PLCL1: variants seen among roughly 807,000 people sequenced by gnomAD.
PLCL1 encodes phospholipase C like 1 (inactive).
Under a neutral mutation model 84.4 loss-of-function variants are expected in PLCL1, and 41 were observed. That is an observed-to-expected ratio of 0.49 (90% CI 0.38 to 0.63). The LOEUF is 0.63. PLCL1 is among the 30% of genes least tolerant of loss of function. The pLI is 0.00. For synonymous variants in PLCL1, 490 were observed against 488.3 expected, an observed-to-expected ratio of 1.00 and a Z score of -0.05; for missense variants, 1,206 against 1,367.8, an observed-to-expected ratio of 0.88 and a Z score of 1.87.
At chr2:197,901,030 G>C (rs889936823) in intron 1 of PLCL1, among the ~76,000 whole-genome samples, 1 of 152,104 alleles carries the variant, frequency 6.6e-6, no homozygotes, top group African/African-American at 2.4e-5. Context: ...AAATGGATTA[G>C]GTACATACAC....
At chr2:198,011,241 A>G (rs569857867) in intron 1 of PLCL1, among the ~76,000 whole-genome samples, 5 of 151,740 alleles carry the variant, frequency 3.3e-5, no homozygotes, top group Non-Finnish European at 7.4e-5. Context: ...TTTAATGTAG[A>G]TGTTTACTGC....
At chr2:198,091,770 G>C (rs1693048765) in intron 3 of PLCL1, among the ~76,000 whole-genome samples, 1 of 144,928 alleles carries the variant, frequency 6.9e-6, no homozygotes, top group Admixed American at 6.9e-5. Flanking sequence ...TAAAAACATA[G>C]ATCAAATCAA....
chr2:197,877,170 C>G (rs114329169), intron 1 of PLCL1, among the ~76,000 whole-genome samples: 1,720 of 152,244 alleles, frequency 0.011, 11 homozygotes, highest in Middle Eastern at 0.02. Flanking sequence ...TAGACATATC[C>G]TGGCATCTCT....
intron 1 of PLCL1, among the ~76,000 whole-genome samples, chr2:198,042,276 C>T (rs939796413): frequency 1.3e-5 from 2 of 152,222 alleles, no homozygotes; most frequent in African/African-American, 4.8e-5. Flanking sequence ...CCCACACCAA[C>T]AGCTGTCTAC....
chr2:198,091,990 ACCTGCCTCTCCAGCCTCC>A (rs1693055452), intron 3 of PLCL1, among the ~76,000 whole-genome samples: 1 of 147,506 alleles, frequency 6.8e-6, no homozygotes, highest in Non-Finnish European at 1.5e-5. Context: ...TCCCAACCTC[ACCTGCCTCTCCAGCCTCC>A]CCTGCCTCTT....
chr2:198,112,506 C>T (rs1438980733), intron 5 of PLCL1, among the ~76,000 whole-genome samples: 1 of 151,848 alleles, frequency 6.6e-6, no homozygotes, highest in Non-Finnish European at 1.5e-5. Context: ...GGCTATACTC[C>T]TTTCATATTC....
chr2:198,079,073 A>C (rs1692648636), intron 1 of PLCL1, among the ~76,000 whole-genome samples: 1 of 151,992 alleles, frequency 6.6e-6, no homozygotes. Context: ...GTATTGAATA[A>C]GTAGAGTTTT....
At position 198,103,839 on chromosome 2, in the gene PLCL1, A is replaced by G; in HGVS notation, c.3008A>G (p.His1003Arg). The change falls in exon 5 of 6, where the codon CAT becomes CGT. Residue 1003 changes from histidine to arginine, a missense_variant. His to Arg is a conservative substitution (Grantham distance 29, BLOSUM62 0). Coordinates refer to ENST00000428675, the MANE Select transcript of PLCL1 (RefSeq NM_006226.4). ...TCTTTCTTCAAAGGGATGGAGTTCCATGAAGAACTTCATAATTTGGGGGCA... is the reference window on the plus strand; with the variant it reads ...TCTTTCTTCAAAGGGATGGAGTTCCGTGAAGAACTTCATAATTTGGGGGCA... The part of the protein sequence containing the change: ...VQCQKAGMEF[H>R]EELHNLGAKE... The G allele has an allele frequency of 6.3e-7, 1 of 1,592,824 alleles. No individual in the cohort carries two copies. The highest frequency in any genetic ancestry group is 8.6e-7 in the Non-Finnish European group (1 of 1,164,868).
At chr2:197,995,730 C>T (rs1350818101) in intron 1 of PLCL1, among the ~76,000 whole-genome samples, 1 of 152,116 alleles carries the variant, frequency 6.6e-6, no homozygotes, top group Non-Finnish European at 1.5e-5. Context: ...AAATTCATGC[C>T]CTGGGTGGCC....
intron 5 of PLCL1, among the ~76,000 whole-genome samples, chr2:198,118,743 G>T (rs1219678261): frequency 6.6e-6 from 1 of 151,936 alleles, no homozygotes; most frequent in African/African-American, 2.4e-5. Context: ...AACCGTAGGG[G>T]GTGCCATTCC....
chr2:198,056,394 T>C (rs550509944), intron 1 of PLCL1, among the ~76,000 whole-genome samples: 2 of 152,350 alleles, frequency 1.3e-5, no homozygotes, highest in Admixed American at 1.3e-4. Flanking sequence ...GGGACTTTTC[T>C]GGTACTATGT....
chr2:197,855,913 T>C (rs558920731), intron 1 of PLCL1, among the ~76,000 whole-genome samples: 2 of 152,136 alleles, frequency 1.3e-5, no homozygotes, highest in Admixed American at 6.6e-5. Context: ...AAATGTGCCA[T>C]TGGAGCACCA....
intron 1 of PLCL1, among the ~76,000 whole-genome samples, chr2:197,926,543 T>G (rs1263213676): frequency 2.0e-5 from 3 of 152,226 alleles, no homozygotes; most frequent in Non-Finnish European, 4.4e-5. Context: ...TTTGTCTCTT[T>G]AACTTTGTAT....
chr2:198,097,130 C>G (rs547228612), intron 3 of PLCL1, among the ~76,000 whole-genome samples: 3 of 152,148 alleles, frequency 2.0e-5, no homozygotes, highest in African/African-American at 7.2e-5. Flanking sequence ...GTAATAGAAC[C>G]TAAAAAAAGA....
At chr2:198,047,318 G>A (rs1691830233) in intron 1 of PLCL1, among the ~76,000 whole-genome samples, 1 of 152,074 alleles carries the variant, frequency 6.6e-6, no homozygotes, top group Non-Finnish European at 1.5e-5. Context: ...CAAGTAGCTG[G>A]GACTACAGGT....
intron 1 of PLCL1, among the ~76,000 whole-genome samples, chr2:197,933,745 T>G (rs921308697): frequency 2.0e-5 from 3 of 152,160 alleles, no homozygotes; most frequent in Admixed American, 1.3e-4. Context: ...CTTGATGTGA[T>G]ACAGTACAGA....
Position 197,869,948 on chromosome 2 carries a change from C to CT in PLCL1, c.240+64618dup, listed in dbSNP as rs1051072160. Among the ~76,000 whole-genome samples, 10 of 151,756 alleles carry CT rather than the reference C, an allele frequency of 6.6e-5. No individual in the cohort carries two copies. In the East Asian group the frequency reaches 1.6e-3, roughly 24 times the overall value. On this transcript the variant is annotated intron_variant, in intron 1 of 5. Transcript: ENST00000428675. ...ATTTTGTAAAAAGGTTTCAAGCATA[C>CT]TTTTTTTTTCCATAAGTGTTATTTA...
chr2:198,072,190 T>C (rs1248910923), intron 1 of PLCL1, among the ~76,000 whole-genome samples: 1 of 151,872 alleles, frequency 6.6e-6, no homozygotes, highest in Non-Finnish European at 1.5e-5. Flanking sequence ...GCACATATCT[T>C]GTTAAGTTTA....
At chr2:197,810,898 C>A (rs1690572998) in intron 1 of PLCL1, among the ~76,000 whole-genome samples, 1 of 152,058 alleles carries the variant, frequency 6.6e-6, no homozygotes, top group African/African-American at 2.4e-5. Flanking sequence ...CTTTAGATGA[C>A]CAGACAGAGC....
Sources: gnomAD v4.1 joint callset for allele counts (sites outside exome capture counted in the v4.1 genomes callset) on GRCh38, gnomAD v4.1.1 for gene constraint, MANE v1.5 for transcripts, NCBI Gene and HGNC (gene_info 2026-07-23, HGNC 2026-07-21) for gene names.